TRPM7: variants seen among roughly 807,000 people sequenced by gnomAD.
TRPM7 encodes the protein transient receptor potential cation channel subfamily M member 7.
TRPM7 carries 134 observed loss-of-function variants against 229.7 expected under a neutral mutation model. The ratio of observed to expected loss-of-function variants is 0.58; its 90% CI spans 0.51 to 0.67. The LOEUF (loss-of-function observed/expected upper bound fraction) is 0.67, where lower values mean the gene tolerates loss of function less well. Ranked by LOEUF, TRPM7 falls within the 30% of genes least tolerant of loss-of-function variation. The pLI, the probability that TRPM7 is intolerant of heterozygous loss-of-function variation, is 0.00. For missense variants in TRPM7, 1,901 were observed against 2,210.0 expected, an observed-to-expected ratio of 0.86 and a Z score of 2.80; for synonymous variants, 699 against 715.2, an observed-to-expected ratio of 0.98 and a Z score of 0.36.
chr15:50,586,702 C>T (rs182249744), intron 27 of TRPM7: 1 of 381,258 alleles, frequency 2.6e-6, no homozygotes, highest in African/African-American at 2.1e-5. Context: ...TTCATAAATC[C>T]ATCCAAATGA....
chr15:50,616,419 A>G (rs2060223253), intron 13 of TRPM7, among the ~76,000 whole-genome samples: 1 of 152,178 alleles, frequency 6.6e-6, no homozygotes, highest in Non-Finnish European at 1.5e-5. Flanking sequence ...CTCCCCCATT[A>G]CTTAAGATTT....
intron 8 of TRPM7, 31 bp from the exon 9 acceptor site, chr15:50,633,023 T>C: frequency 6.4e-7 from 1 of 1,563,092 alleles, no homozygotes; most frequent in South Asian, 1.2e-5. Flanking sequence ...ATTCACTGAT[T>C]TCATCTTCCA....
chr15:50,646,149 A>G (rs1307873127), intron 4 of TRPM7, among the ~76,000 whole-genome samples: 1 of 151,764 alleles, frequency 6.6e-6, no homozygotes, highest in Non-Finnish European at 1.5e-5. Flanking sequence ...GTACAAAGGC[A>G]GTGAGAATTT....
In TRPM7 at chr15:50,591,894, G is replaced by T; in HGVS notation, c.4324+17C>A. 2 of 1,506,220 alleles carry T rather than the reference G, an allele frequency of 1.3e-6. No individual in the cohort carries two copies. Among genetic ancestry groups the T allele is most frequent in the South Asian group, 1.4e-5 (1 of 71,684 alleles). 93.3% of individuals were successfully genotyped at this position (1,506,220 alleles called of 1,614,324 possible). A position where few individuals can be genotyped will look rare whatever the true frequency, so the allele number is the denominator to read the frequency against. On this transcript the variant is annotated intron_variant, in intron 26 of 38. Coordinates refer to ENST00000646667, the MANE Select transcript of TRPM7 (RefSeq NM_017672.6). ...GTAAATAATATTGATATACAAATACGAATTTGCCAAACTTACCTACAAATG... is the reference window on the plus strand; with the variant it reads ...GTAAATAATATTGATATACAAATACTAATTTGCCAAACTTACCTACAAATG...
intron 11 of TRPM7, among the ~76,000 whole-genome samples, chr15:50,626,906 A>T (rs1005889569): frequency 6.6e-6 from 1 of 152,154 alleles, no homozygotes; most frequent in Non-Finnish European, 1.5e-5. Flanking sequence ...AGGTACTATT[A>T]ACTACACAGT....
Position 50,648,740 on chromosome 15 carries a change from C to T in TRPM7, c.268G>A (p.Asp90Asn). ...VEKHTEQSPT[D>N]AYGVINFQGG... ...TGAAAATTTATGACTCCATAAGCATCCGTTGGGCTCTGTTCTGTATGCTTT... is the reference window on the plus strand; with the variant it reads ...TGAAAATTTATGACTCCATAAGCATTCGTTGGGCTCTGTTCTGTATGCTTT... Residue 90 changes from aspartate (D) to asparagine (N), a missense_variant, in exon 4 of 39, where the codon GAT becomes AAT. Asp to Asn is a conservative substitution (Grantham distance 23). Around this residue, in one of 8 missense-constraint regions of TRPM7, gnomAD observed 794 missense variants for 881.9 expected, o/e 0.90. Transcript: ENST00000646667. 1.9e-6 allele frequency: 3 copies of T among 1,612,810 alleles called. No homozygotes were observed. The highest frequency in any genetic ancestry group is 1.3e-5 in the African/African-American group (1 of 74,984).
At chr15:50,649,884 T>C (rs1408806409) in intron 3 of TRPM7, among the ~76,000 whole-genome samples, 1 of 151,984 alleles carries the variant, frequency 6.6e-6, no homozygotes, top group Non-Finnish European at 1.5e-5. Flanking sequence ...CAGAAGGGTC[T>C]CCTTAAGCAT....
chr15:50,671,964 GTAA>G (rs2061998378), intron 1 of TRPM7, among the ~76,000 whole-genome samples: 1 of 148,684 alleles, frequency 6.7e-6, no homozygotes, highest in Non-Finnish European at 1.5e-5. Context: ...ATAATACTTT[GTAA>G]TAATAAATGA....
At chr15:50,570,376 G>A (rs1296287561) in intron 36 of TRPM7, among the ~76,000 whole-genome samples, 1 of 152,112 alleles carries the variant, frequency 6.6e-6, no homozygotes, top group East Asian at 1.9e-4. Context: ...CTTGTAATGT[G>A]AACAAGAGTT....
At chr15:50,613,501 CAAAAAAAAAAAAAAA>C (rs67505794) in intron 15 of TRPM7, among the ~76,000 whole-genome samples, 191 bp downstream of exon 15, 6 of 62,822 alleles carry the variant, frequency 9.6e-5, no homozygotes, top group Admixed American at 8.7e-4. Flanking sequence ...ACTCCTGTCT[CAAAAAAAAAAAAAAA>C]AAAAAAAAGG....
chr15:50,651,148 C>T (rs1287985435), intron 3 of TRPM7, among the ~76,000 whole-genome samples: 1 of 152,190 alleles, frequency 6.6e-6, no homozygotes, highest in African/African-American at 2.4e-5. Flanking sequence ...TATGGTGCCA[C>T]TGCACTCCAG....
chr15:50,578,466 G>T, intron 31 of TRPM7, 173 bp downstream of exon 31: 1 of 436,504 alleles, frequency 2.3e-6, no homozygotes, highest in Non-Finnish European at 4.0e-6. Context: ...TGATTCGTGT[G>T]TTTGTGAAAC....
chr15:50,653,855 T>C (rs1020496885), intron 3 of TRPM7, among the ~76,000 whole-genome samples: 11 of 152,184 alleles, frequency 7.2e-5, no homozygotes, highest in Admixed American at 5.9e-4. Context: ...AATCACTTGC[T>C]GTGTGTGGGT....
At chr15:50,684,149 T>G (rs2062304444) in intron 1 of TRPM7, among the ~76,000 whole-genome samples, 1 of 150,910 alleles carries the variant, frequency 6.6e-6, no homozygotes, top group Non-Finnish European at 1.5e-5. Context: ...CCCCACCTGA[T>G]TAAGTCGTTT....
intron 12 of TRPM7, among the ~76,000 whole-genome samples, chr15:50,621,847 C>T (rs759856586): frequency 4.6e-5 from 7 of 151,934 alleles, no homozygotes; most frequent in Non-Finnish European, 8.8e-5. Flanking sequence ...CTGGCCAACA[C>T]GGTGAAACCT....
chr15:50,573,141 T>C (rs1044949873), intron 36 of TRPM7, among the ~76,000 whole-genome samples: 3 of 152,188 alleles, frequency 2.0e-5, no homozygotes, highest in Admixed American at 1.3e-4. Flanking sequence ...TATGAGCAAT[T>C]TTTCCCTCTA....
rs566747138 is a variant in TRPM7 at position 50,592,422 on chromosome 15, G to A, written c.3813C>T (p.Ser1271=). Residue 1271 remains serine (S), a synonymous_variant, in exon 26 of 39, where the codon TCC becomes TCT. Transcript: ENST00000646667. ...HNEITRELSI[S]KHLAQNLIDD... ...CAATAAGGTTTTGAGCCAAGTGTTTGGAAATGCTCAGTTCTCGTGTGATTT... is the reference window on the plus strand; with the variant it reads ...CAATAAGGTTTTGAGCCAAGTGTTTAGAAATGCTCAGTTCTCGTGTGATTT... The A allele has an allele frequency of 6.2e-7, 1 of 1,614,166 alleles. No individual in the cohort carries two copies. Among genetic ancestry groups the A allele is most frequent in the East Asian group, 2.2e-5 (1 of 44,878 alleles).
rs928764410 is a variant in TRPM7 at position 50,560,366 on chromosome 15, T to C, written c.*1312A>G. The stretch of plus-strand genomic sequence containing the variant: ...ACAAAACGTATATAGTATCTTTAAG[T>C]AATACACTTTTTCTTTCTCCCCACC... On this transcript the variant is annotated 3_prime_UTR_variant, in exon 39 of 39. Coordinates refer to ENST00000646667, the MANE Select transcript of TRPM7 (RefSeq NM_017672.6). 9.8e-5 allele frequency: 15 copies of C among 152,592 alleles called. No individual in the cohort carries two copies. 9.5% of individuals were successfully genotyped at this position (152,592 alleles called of 1,614,324 possible). A position where few individuals can be genotyped will look rare whatever the true frequency, so the allele number is the denominator to read the frequency against.
intron 1 of TRPM7, among the ~76,000 whole-genome samples, chr15:50,669,569 T>C (rs1177729713): frequency 6.6e-6 from 1 of 152,204 alleles, no homozygotes; most frequent in Non-Finnish European, 1.5e-5. Flanking sequence ...TTTATACAAA[T>C]AATCTGGCCA....
Sources: allele counts gnomAD v4.1 joint callset (sites outside exome capture counted in the v4.1 genomes callset), GRCh38; gene constraint gnomAD v4.1.1; regional missense constraint gnomAD v4.1.1; transcripts MANE v1.5; gene names NCBI Gene and HGNC (gene_info 2026-07-23, HGNC 2026-07-21).